ABI3BP: variants seen among roughly 807,000 people sequenced by gnomAD.
ABI3BP encodes the protein target of Nesh-SH3.
A neutral mutation model predicts 268.6 loss-of-function variants in ABI3BP; 216 were observed. The ratio of observed to expected loss-of-function variants is 0.80; its 90% CI spans 0.72 to 0.90. The LOEUF (loss-of-function observed/expected upper bound fraction) is 0.90, where lower values mean the gene tolerates loss of function less well. Among genes scored for constraint, ABI3BP ranks in the 40% least tolerant of loss-of-function variants. The pLI is 0.00. For synonymous variants in ABI3BP, 730 were observed against 730.0 expected (o/e 1.00, Z 0.00); for missense variants, 2,090 against 2,182.4 (o/e 0.96, Z 0.84).
chr3:100,979,498 C>T (rs1004633141), intron 1 of ABI3BP, among the ~76,000 whole-genome samples: 5 of 152,096 alleles, frequency 3.3e-5, no homozygotes, highest in African/African-American at 9.7e-5. Context: ...TCTGTTAATG[C>T]TTATCCTTTA....
At chr3:100,839,691 G>T in intron 23 of ABI3BP, 75 bp from the exon 24 acceptor site, 2 of 1,400,580 alleles carry the variant, frequency 1.4e-6, no homozygotes, top group Non-Finnish European at 2.0e-6. Flanking sequence ...TATGCCTCAA[G>T]CTGGGACACT....
intron 14 of ABI3BP, among the ~76,000 whole-genome samples, chr3:100,856,460 A>G (rs2098941188): frequency 6.6e-6 from 1 of 152,226 alleles, no homozygotes; most frequent in Admixed American, 6.5e-5. Flanking sequence ...CTGTCAAGGG[A>G]AGTCTCTACA....
chr3:100,937,652 A>G (rs1468043977), intron 1 of ABI3BP, among the ~76,000 whole-genome samples: 1 of 152,090 alleles, frequency 6.6e-6, no homozygotes, highest in Non-Finnish European at 1.5e-5. Flanking sequence ...TAGTTTTAAT[A>G]GGGTCTAATA....
chr3:100,934,924 G>A (rs1032797489), intron 1 of ABI3BP, among the ~76,000 whole-genome samples: 1 of 152,092 alleles, frequency 6.6e-6, no homozygotes, highest in Non-Finnish European at 1.5e-5. Flanking sequence ...CCATTCTGTA[G>A]GTTGCCTGTT....
At position 100,810,414 on chromosome 3, in the gene ABI3BP, G is replaced by A; in HGVS notation, c.3605C>T (p.Pro1202Leu). 2 of 1,532,810 alleles carry A rather than the reference G, an allele frequency of 1.3e-6. No homozygotes were observed. The highest frequency in any genetic ancestry group is 8.7e-7 in the Non-Finnish European group (1 of 1,144,208). 95.0% of individuals were successfully genotyped at this position (1,532,810 alleles called of 1,614,324 possible). The stretch of plus-strand genomic sequence containing the variant: ...GACATACAAAATAATGTATTTACCA[G>A]GTTCAGTCTGAGGCTCATCTGGGCT... The part of the protein sequence containing the change: ...LPSPDEPQTE[P>L]APKQTPRAPP... Residue 1202 changes from proline (P) to leucine (L), a missense_variant and splice_region_variant, in exon 49 of 68, where the codon CCT becomes CTT. Physicochemically the swap from Pro to Leu is moderately conservative, Grantham distance 98. Coordinates refer to ENST00000471714, the MANE Select transcript of ABI3BP (RefSeq NM_001375547.2).
At position 100,985,384 on chromosome 3, in the gene ABI3BP, C is replaced by T. The variant is rs573676832; in HGVS notation, c.79+7922G>A. Among the ~76,000 whole-genome samples the T allele has an allele frequency of 1.3e-4, 20 of 151,976 alleles. No homozygotes were observed. In the East Asian group the frequency reaches 3.1e-3, roughly 24 times the overall value. ...CAGGATGGTCTCGATCCCCTGACCT[C>T]GTGATCCGCCCGCCTTGGCCTCCCA... On this transcript the variant is annotated intron_variant, in intron 1 of 67. Transcript: ENST00000471714.
chr3:100,799,785 C>T (rs1417814433), intron 51 of ABI3BP, among the ~76,000 whole-genome samples: 2 of 152,126 alleles, frequency 1.3e-5, no homozygotes, highest in African/African-American at 4.8e-5. Context: ...TCTATATTTT[C>T]TCCTCTATGA....
At chr3:100,784,247 C>T (rs2096957308) in intron 57 of ABI3BP, among the ~76,000 whole-genome samples, 1 of 152,088 alleles carries the variant, frequency 6.6e-6, no homozygotes, top group Admixed American at 6.5e-5. Context: ...TTTTTTAAGT[C>T]TTCCAAGGGC....
rs777747476 is a variant in ABI3BP, at chr3:100,796,435, T to C, written c.3791A>G (p.Tyr1264Cys). 1 of 1,602,302 alleles carries C rather than the reference T, an allele frequency of 6.2e-7. No individual in the cohort carries two copies. Among genetic ancestry groups the C allele is most frequent in the Non-Finnish European group, 8.5e-7 (1 of 1,174,130 alleles). Residue 1264 changes from tyrosine to cysteine, a missense_variant, in exon 52 of 68, where the codon TAC (tyrosine) becomes TGC (cysteine). By Grantham distance (194) the Tyr-to-Cys change is radical. Transcript: ENST00000471714. ...PKDVLLPHKP[Y>C]PEVSQSEPVL... The stretch of plus-strand genomic sequence containing the variant: ...AGGTTCGCTCTGAGAGACCTCAGGG[T>C]ATGGTTTATGAGGAAGGAGCACATC...
chr3:100,959,681 G>A (rs1427981174), intron 1 of ABI3BP, among the ~76,000 whole-genome samples: 1 of 151,880 alleles, frequency 6.6e-6, no homozygotes. Context: ...CCAAAGCTGA[G>A]GGTAGGATAG....
rs573555014 is a variant in ABI3BP, at chr3:100,803,418, G to T, written c.3757+1374C>A. Among the ~76,000 whole-genome samples, 82 of 144,394 alleles carry T rather than the reference G, an allele frequency of 5.7e-4. 2 individuals are homozygous for T. The highest frequency in any genetic ancestry group is 3.5e-3 in the Middle Eastern group (1 of 282). 94.7% of individuals were successfully genotyped at this position (144,394 alleles called of 152,430 possible). On this transcript the variant is annotated intron_variant, in intron 51 of 67. Coordinates refer to ENST00000471714, the MANE Select transcript of ABI3BP (RefSeq NM_001375547.2). ...GGTTCAAGAGAAGGACTAGCTAACAGAGAAGATTTTAAAATATATACCTTA... is the reference window on the plus strand; with the variant it reads ...GGTTCAAGAGAAGGACTAGCTAACATAGAAGATTTTAAAATATATACCTTA...
At chr3:100,837,601 A>G (rs2098619622) in intron 26 of ABI3BP, among the ~76,000 whole-genome samples, 1 of 152,106 alleles carries the variant, frequency 6.6e-6, no homozygotes, top group Non-Finnish European at 1.5e-5. Flanking sequence ...TACTAAAAAT[A>G]CAAAAATTAG....
chr3:100,895,623 T>C (rs935882552), intron 4 of ABI3BP, among the ~76,000 whole-genome samples: 1 of 152,202 alleles, frequency 6.6e-6, no homozygotes, highest in African/African-American at 2.4e-5. Context: ...GGTGTTCCTG[T>C]AGCAAGCCAA....
At chr3:100,770,600 G>A (rs1042221815) in intron 62 of ABI3BP, 143 bp downstream of exon 62, 1 of 568,780 alleles carries the variant, frequency 1.8e-6, no homozygotes, top group Non-Finnish European at 2.8e-6. Flanking sequence ...TGACAATAAT[G>A]TGCCTTAAAG....
intron 1 of ABI3BP, among the ~76,000 whole-genome samples, chr3:100,949,301 G>A (rs1037378989): frequency 2.0e-5 from 3 of 152,102 alleles, no homozygotes; most frequent in African/African-American, 7.2e-5. Context: ...TCTGTCACAG[G>A]CTGGAGTGCA....
intron 1 of ABI3BP, among the ~76,000 whole-genome samples, chr3:100,988,923 A>G (rs777830535): frequency 2.0e-4 from 31 of 152,226 alleles, no homozygotes; most frequent in Admixed American, 6.5e-5. Flanking sequence ...ACTCTGAGGC[A>G]CAATTTTATG....
intron 39 of ABI3BP, 44 bp from the exon 40 acceptor site, chr3:100,820,347 G>A (rs1183699301): frequency 1.6e-5 from 23 of 1,429,742 alleles, no homozygotes; most frequent in Admixed American, 6.0e-5. Context: ...CCGTAGCTCC[G>A]AAGCTATGAG....
intron 61 of ABI3BP, among the ~76,000 whole-genome samples, chr3:100,771,306 A>AT (rs1445617871): frequency 1.3e-5 from 2 of 152,214 alleles, no homozygotes; most frequent in African/African-American, 4.8e-5. Context: ...CACTCAATAA[A>AT]TTTTAAAAAC....
In ABI3BP at chr3:100,765,948, T is replaced by G. The variant is rs1480501666; in HGVS notation, c.4743A>C (p.Glu1581Asp). 6.2e-6 allele frequency: 10 copies of G among 1,603,884 alleles called. No individual in the cohort carries two copies. The African/African-American group carries it at 8.0e-5, about 13-fold the overall frequency. The change falls in exon 63 of 68, where the codon GAA (glutamate) becomes GAC (aspartate). Residue 1581 changes from glutamate (E) to aspartate (D), a missense_variant and splice_region_variant. Coordinates refer to ENST00000471714, the MANE Select transcript of ABI3BP (RefSeq NM_001375547.2). ...WEKPLNDTVTEYEVISRENGS... is the reference protein window; with the variant it reads ...WEKPLNDTVTDYEVISRENGS... ...CATTTTCTCTGGATATAACTTCATA[T>G]TCTGTAAAGCGAAAGAAGCCAACAG...
Sources: gnomAD v4.1 joint callset for allele counts (sites outside exome capture counted in the v4.1 genomes callset) on GRCh38, gnomAD v4.1.1 for gene constraint, MANE v1.5 for transcripts, NCBI Gene and HGNC (gene_info 2026-07-23, HGNC 2026-07-21) for gene names.